TANC2: variants seen among roughly 807,000 people sequenced by gnomAD.
The protein encoded by TANC2 is protein TANC2.
TANC2 carries 26 observed loss-of-function variants against 210.5 expected under a neutral mutation model. That is an observed-to-expected ratio of 0.12 (90% CI 0.09 to 0.17). TANC2 has a LOEUF of 0.17. Ranked by LOEUF, TANC2 falls within the 10% of genes least tolerant of loss-of-function variation. TANC2 has a pLI of 1.00. For missense variants in TANC2, 2,129 were observed against 2,608.9 expected, an observed-to-expected ratio of 0.82 and a Z score of 4.01; for synonymous variants, 931 against 967.1, an observed-to-expected ratio of 0.96 and a Z score of 0.69.
chr17:63,095,412 C>T (rs2037351483), intron 3 of TANC2, among the ~76,000 whole-genome samples: 1 of 152,054 alleles, frequency 6.6e-6, no homozygotes, highest in Non-Finnish European at 1.5e-5. Context: ...TTCAAACAAC[C>T]CTCCTGCCTC....
At chr17:63,204,361 T>C (rs1567812482) in intron 7 of TANC2, among the ~76,000 whole-genome samples, 1 of 152,182 alleles carries the variant, frequency 6.6e-6, no homozygotes, top group African/African-American at 2.4e-5. Context: ...AAAGATATAC[T>C]GTCTTCATGG....
At chr17:63,272,668 C>T (rs1302549992) in intron 9 of TANC2, among the ~76,000 whole-genome samples, 1 of 152,086 alleles carries the variant, frequency 6.6e-6, no homozygotes, top group African/African-American at 2.4e-5. Flanking sequence ...AGAGATAATT[C>T]ACCTACCTGG....
Position 63,333,103 on chromosome 17 carries a change from T to G in TANC2, c.1576-6998T>G, listed in dbSNP as rs192831939. Reference sequence around the variant, plus strand: ...AACACAACATTCTTTAGGCCTTGGATCAAGGAGTAATTTTGACTTTTAAGT... The same window carrying G: ...AACACAACATTCTTTAGGCCTTGGAGCAAGGAGTAATTTTGACTTTTAAGT... On this transcript the variant is annotated intron_variant, in intron 11 of 27. Transcript: ENST00000689528. Among the ~76,000 whole-genome samples the G allele has an allele frequency of 1.2e-3, 177 of 152,362 alleles. 1 individual carries two copies. Among genetic ancestry groups the G allele is most frequent in the African/African-American group, 4.1e-3 (170 of 41,584 alleles).
At chr17:62,982,039 G>A (rs2032329875) in intron 1 of TANC2, among the ~76,000 whole-genome samples, 1 of 151,754 alleles carries the variant, frequency 6.6e-6, no homozygotes, top group Non-Finnish European at 1.5e-5. Context: ...AAGCATGACT[G>A]ATTGAATCAT....
chr17:63,296,699 T>C (rs1480623728), intron 9 of TANC2, among the ~76,000 whole-genome samples: 2 of 151,850 alleles, frequency 1.3e-5, no homozygotes, highest in Non-Finnish European at 2.9e-5. Flanking sequence ...TATGAGCAAA[T>C]AGAGTATATC....
chr17:63,284,932 C>T (rs1032271299), intron 9 of TANC2, among the ~76,000 whole-genome samples: 1 of 151,920 alleles, frequency 6.6e-6, no homozygotes, highest in South Asian at 2.1e-4. Flanking sequence ...GTATTTAGGA[C>T]TGTTATGTAT....
At chr17:62,977,636 A>T (rs968855656) in intron 1 of TANC2, among the ~76,000 whole-genome samples, 1 of 150,438 alleles carries the variant, frequency 6.6e-6, no homozygotes, top group Non-Finnish European at 1.5e-5. Flanking sequence ...CATTCTACCT[A>T]TTTTTTTTTA....
intron 4 of TANC2, chr17:63,125,308 A>G (rs1404062789): frequency 2.0e-5 from 3 of 152,212 alleles, no homozygotes; most frequent in Admixed American, 1.3e-4. Context: ...GTAACTGTCC[A>G]ATAATGATAG....
At chr17:63,047,024 G>C (rs920859714) in intron 2 of TANC2, among the ~76,000 whole-genome samples, 1 of 151,914 alleles carries the variant, frequency 6.6e-6, no homozygotes, top group African/African-American at 2.4e-5. Context: ...GGGAGTAAGA[G>C]GTTTCTTGTG....
At chr17:63,350,119 A>G (rs1161944455) in intron 12 of TANC2, among the ~76,000 whole-genome samples, 3 of 152,224 alleles carry the variant, frequency 2.0e-5, no homozygotes, top group African/African-American at 7.2e-5. Context: ...AAAGATCTGT[A>G]TATTTTCAAA....
At chr17:63,208,750 T>G (rs914957852) in intron 7 of TANC2, among the ~76,000 whole-genome samples, 1 of 152,180 alleles carries the variant, frequency 6.6e-6, no homozygotes, top group Non-Finnish European at 1.5e-5. Flanking sequence ...AGATCTTTTT[T>G]CCTAGATGCT....
chr17:63,116,226 C>T (rs962474127), intron 4 of TANC2, among the ~76,000 whole-genome samples: 1 of 152,178 alleles, frequency 6.6e-6, no homozygotes, highest in African/African-American at 2.4e-5. Flanking sequence ...GCATCAGTGA[C>T]CCATGCTTAA....
rs141802789 is a variant in TANC2 at position 63,255,059 on chromosome 17, TTTTATTTATTTATTTA to T, written c.1034-12657_1034-12642del. 3.9e-3 allele frequency among the ~76,000 whole-genome samples: 557 copies of T among 144,582 alleles called. 2 individuals are homozygous for T. The highest frequency in any genetic ancestry group is 7.2e-3 in the Middle Eastern group (2 of 276). The allele number at this position is 144,582 out of a possible 152,430, so 94.9% of individuals were successfully genotyped here. On this transcript the variant is annotated intron_variant, in intron 8 of 27. Transcript: ENST00000689528. ...TTGAGTAGGATTGGGAATAGTTATTTTTTATTTATTTATTTATTTATTTATTTATTTATTTATTTAT... is the reference window on the plus strand; with the variant it reads ...TTGAGTAGGATTGGGAATAGTTATTTTTTATTTATTTATTTATTTATTTAT...
intron 1 of TANC2, among the ~76,000 whole-genome samples, chr17:63,005,929 TG>T (rs2033607872): frequency 2.0e-5 from 3 of 151,158 alleles, no homozygotes; most frequent in Non-Finnish European, 3.0e-5. Context: ...TGTGTGTGTG[TG>T]TGTGTGTGTG....
At chr17:63,039,659 G>T (rs1198482729) in intron 2 of TANC2, among the ~76,000 whole-genome samples, 1 of 152,184 alleles carries the variant, frequency 6.6e-6, no homozygotes, top group Non-Finnish European at 1.5e-5. Context: ...TGATCCAGAG[G>T]TGAGTTTGCT....
chr17:63,275,442 A>T (rs550260854), intron 9 of TANC2, among the ~76,000 whole-genome samples: 68 of 152,280 alleles, frequency 4.5e-4, no homozygotes, highest in Admixed American at 3.4e-3. Flanking sequence ...TTTTTATCAA[A>T]TCTGTGCTTC....
intron 8 of TANC2, among the ~76,000 whole-genome samples, chr17:63,253,081 A>G (rs756258545): frequency 7.5e-6 from 1 of 132,534 alleles, no homozygotes; most frequent in Non-Finnish European, 1.5e-5. Flanking sequence ...TCCTACTGAC[A>G]GTGAACAAGG....
At chr17:63,310,840 G>A (rs1391194234) in intron 9 of TANC2, among the ~76,000 whole-genome samples, 1 of 152,276 alleles carries the variant, frequency 6.6e-6, no homozygotes. Flanking sequence ...ACGCAACCAG[G>A]ATAATCTTTC....
chr17:63,092,796 C>G (rs1031945412), intron 3 of TANC2, among the ~76,000 whole-genome samples: 1 of 152,090 alleles, frequency 6.6e-6, no homozygotes, highest in African/African-American at 2.4e-5. Flanking sequence ...CAAACACCTC[C>G]CAACAGGCCC....
Sources: allele counts gnomAD v4.1 joint callset (sites outside exome capture counted in the v4.1 genomes callset), GRCh38; gene constraint gnomAD v4.1.1; transcripts MANE v1.5; gene names NCBI Gene and HGNC (gene_info 2026-07-23, HGNC 2026-07-21).